Variants in SMIM36 observed in about 807,000 individuals in gnomAD.
SMIM36 encodes the protein small integral membrane protein 36.
chr17:55,467,903 C>T (rs961977426), intron 3 of SMIM36, among the ~76,000 whole-genome samples: 10 of 152,188 alleles, frequency 6.6e-5, no homozygotes, highest in South Asian at 2.1e-4. Context: ...TTGTTCCCGC[C>T]CCACCCTAAC....
In SMIM36 at chr17:55,509,190, T is replaced by TGGCCAGGCC. The variant is rs1201729680; in HGVS notation, c.*174+1680_*174+1688dup. Reference sequence around the variant, plus strand: ...CATTGTCAAAGCTGGCAGGGCAGGCTGGCCAGGCCCTCCTCTTCAGTTTTC... The same window carrying TGGCCAGGCC: ...CATTGTCAAAGCTGGCAGGGCAGGCTGGCCAGGCCGGCCAGGCCCTCCTCTTCAGTTTTC... On this transcript the variant is annotated intron_variant, in intron 1 of 4. Coordinates refer to ENST00000636752, the Ensembl canonical transcript of SMIM36. Among the ~76,000 whole-genome samples, 7 of 152,302 alleles carry TGGCCAGGCC rather than the reference T, an allele frequency of 4.6e-5. 1 individual carries two copies. The South Asian group carries it at 8.3e-4, about 18-fold the overall frequency.
chr17:55,466,048 T>C (rs1407785122), intron 4 of SMIM36, among the ~76,000 whole-genome samples: 1 of 151,806 alleles, frequency 6.6e-6, no homozygotes, highest in Admixed American at 6.6e-5. Context: ...GAGGCCGAGG[T>C]GGGCGGATCA....
At chr17:55,466,297 A>C (rs1909236282) in intron 4 of SMIM36, among the ~76,000 whole-genome samples, 1 of 151,024 alleles carries the variant, frequency 6.6e-6, no homozygotes, top group Non-Finnish European at 1.5e-5. Context: ...AAAAAAAAAA[A>C]AAAAAGAAAG....
At chr17:55,499,251 C>T (rs192779427) in intron 1 of SMIM36, among the ~76,000 whole-genome samples, 6 of 152,042 alleles carry the variant, frequency 3.9e-5, no homozygotes, top group South Asian at 2.1e-4. Flanking sequence ...CAGATGCTTA[C>T]GGAGCAACTT....
chr17:55,457,446 C>T (rs1458090706), intron 4 of SMIM36, among the ~76,000 whole-genome samples: 3 of 124,524 alleles, frequency 2.4e-5, no homozygotes, highest in African/African-American at 9.7e-5. Flanking sequence ...AGTGAAACTC[C>T]GTCTCAAAAA....
chr17:55,510,123 A>C (rs8078010), intron 1 of SMIM36, among the ~76,000 whole-genome samples: 1 of 151,726 alleles, frequency 6.6e-6, no homozygotes, highest in Non-Finnish European at 1.5e-5. Context: ...TATCCCTGAG[A>C]CACAGAGGTG....
At chr17:55,472,839 C>T (rs1445456985) in intron 3 of SMIM36, among the ~76,000 whole-genome samples, 2 of 148,894 alleles carry the variant, frequency 1.3e-5, no homozygotes, top group Non-Finnish European at 3.0e-5. Context: ...TGTACTCCAG[C>T]CTGGGAGACA....
chr17:55,472,599 T>C (rs1039898701), intron 3 of SMIM36, among the ~76,000 whole-genome samples: 5 of 152,162 alleles, frequency 3.3e-5, no homozygotes, highest in African/African-American at 1.2e-4. Context: ...CTGGCCGGGC[T>C]TGGTGGCTCA....
the SMIM36 span, among the ~76,000 whole-genome samples, chr17:55,529,609 T>TACACACACACACACACAC: frequency 2.3e-3 from 335 of 143,008 alleles, no homozygotes; most frequent in African/African-American, 8.1e-3. Context: ...CTACTAAAAA[T>TACACACACACACACACAC]ACACACACAC....
At chr17:55,464,237 A>G (rs1011288812) in intron 4 of SMIM36, among the ~76,000 whole-genome samples, 2 of 152,200 alleles carry the variant, frequency 1.3e-5, no homozygotes, top group African/African-American at 4.8e-5. Flanking sequence ...TAATTAATTG[A>G]TTGATTTATA....
chr17:55,451,212 T>G (rs150340474), intron 4 of SMIM36, among the ~76,000 whole-genome samples: 14 of 152,256 alleles, frequency 9.2e-5, no homozygotes, highest in African/African-American at 3.4e-4. Flanking sequence ...ATCCATAGAC[T>G]AAGACCCTAA....
intron 1 of SMIM36, among the ~76,000 whole-genome samples, chr17:55,483,975 C>G (rs1414056729): frequency 6.6e-6 from 1 of 152,158 alleles, no homozygotes; most frequent in Non-Finnish European, 1.5e-5. Context: ...TTCTTTCTCT[C>G]TCTCTCTACA....
At chr17:55,511,103 G>A (rs1910173027) in exon 1 of SMIM36, 2 of 398,506 alleles carry the variant, frequency 5.0e-6, no homozygotes, top group Non-Finnish European at 8.8e-6. Flanking sequence ...CCCAAAGAAA[G>A]GCCAGGCCCC....
rs552439205 is a variant in SMIM36, at chr17:55,508,098, T to C, written c.*174+2781A>G. ...GTAAATATGAGCTATTAGTGTCTGG[T>C]GGTGCATTAGAGTGGCCCCAACCTA... On this transcript the variant is annotated intron_variant, in intron 1 of 4. Coordinates refer to ENST00000636752, the Ensembl canonical transcript of SMIM36. 5.9e-5 allele frequency among the ~76,000 whole-genome samples: 9 copies of C among 152,156 alleles called. No individual in the cohort carries two copies. The South Asian group carries it at 1.7e-3, about 28-fold the overall frequency.
chr17:55,461,051 C>G (rs1461136861), intron 4 of SMIM36, among the ~76,000 whole-genome samples: 1 of 151,954 alleles, frequency 6.6e-6, no homozygotes, highest in Non-Finnish European at 1.5e-5. Context: ...CTTGCACAGA[C>G]TGAAGGTAAT....
intron 1 of SMIM36, among the ~76,000 whole-genome samples, chr17:55,481,758 A>G (rs1909524529): frequency 6.6e-6 from 1 of 152,110 alleles, no homozygotes; most frequent in Non-Finnish European, 1.5e-5. Flanking sequence ...CAGTGGTGCA[A>G]TCTTGGCTCA....
At position 55,456,466 on chromosome 17, in the gene SMIM36, C is replaced by A. The variant is rs1269501896; in HGVS notation, c.*532-6168G>T. 2.0e-5 allele frequency among the ~76,000 whole-genome samples: 3 copies of A among 152,320 alleles called. No individual in the cohort carries two copies. The East Asian group carries it at 5.8e-4, about 29-fold the overall frequency. ...ATTCCATCTTTTTTCCCACAGTAGA[C>A]AAACCTATCCATCAATTCTTCCATA... On this transcript the variant is annotated intron_variant, in intron 4 of 4. Coordinates refer to ENST00000636752, the Ensembl canonical transcript of SMIM36.
At chr17:55,502,263 TG>T (rs1184421330) in intron 1 of SMIM36, among the ~76,000 whole-genome samples, 1 of 148,280 alleles carries the variant, frequency 6.7e-6, no homozygotes, top group African/African-American at 2.5e-5. Flanking sequence ...GCTCCACCTC[TG>T]GGGGCAGGGC....
chr17:55,469,247 G>A (rs1438604824), intron 3 of SMIM36, among the ~76,000 whole-genome samples: 6 of 152,120 alleles, frequency 3.9e-5, no homozygotes, highest in Non-Finnish European at 5.9e-5. Context: ...TTCGTTCCGC[G>A]ACTAGCTCTT....
Sources: allele counts gnomAD v4.1 joint callset (sites outside exome capture counted in the v4.1 genomes callset), GRCh38; gene constraint gnomAD v4.1.1; transcripts MANE v1.5; gene names NCBI Gene and HGNC (gene_info 2026-07-23, HGNC 2026-07-21).